Variants in RBFOX1 observed in about 807,000 individuals in gnomAD.
RBFOX1 encodes the protein RNA binding fox-1 homolog 1, also known as RNA binding protein fox-1 homolog 1.
RBFOX1 carries 8 observed loss-of-function variants against 57.7 expected under a neutral mutation model. That is an observed-to-expected ratio of 0.14 (90% CI 0.08 to 0.25). RBFOX1 has a LOEUF of 0.25. RBFOX1 is among the 10% of genes least tolerant of loss of function. RBFOX1 has a pLI of 1.00. For missense variants in RBFOX1, 611 were observed against 548.5 expected (o/e 1.11, Z -1.14); for synonymous variants, 326 against 222.4 (o/e 1.47, Z -4.15).
At chr16:7,210,158 G>A (rs1011726122) in intron 4 of RBFOX1, among the ~76,000 whole-genome samples, 5 of 152,166 alleles carry the variant, frequency 3.3e-5, no homozygotes, top group African/African-American at 9.7e-5. Flanking sequence ...TAATGATGAT[G>A]ACAATGATTT....
chr16:5,860,751 T>C (rs1243919130), intron 3 of RBFOX1, among the ~76,000 whole-genome samples: 1 of 151,892 alleles, frequency 6.6e-6, no homozygotes, highest in Non-Finnish European at 1.5e-5. Flanking sequence ...GAAGAATGAG[T>C]CATGGGTCAA....
intron 4 of RBFOX1, among the ~76,000 whole-genome samples, chr16:5,916,936 C>G (rs1007318795): frequency 1.3e-5 from 2 of 152,110 alleles, no homozygotes; most frequent in East Asian, 1.9e-4. Context: ...GTGCGCAGGA[C>G]GAGCTAGTGG....
intron 4 of RBFOX1, among the ~76,000 whole-genome samples, chr16:5,941,300 G>A (rs2059272670): frequency 1.3e-5 from 2 of 151,902 alleles, no homozygotes; most frequent in African/African-American, 4.8e-5. Context: ...GACCAGCCTG[G>A]GCAACGTAGT....
intron 1 of RBFOX1, among the ~76,000 whole-genome samples, chr16:5,408,904 A>T (rs1195909574): frequency 6.6e-6 from 1 of 152,240 alleles, no homozygotes; most frequent in Non-Finnish European, 1.5e-5. Flanking sequence ...TACACCATTC[A>T]TGAGAAATCC....
intron 2 of RBFOX1, among the ~76,000 whole-genome samples, chr16:6,444,386 A>G (rs565396037): frequency 7.0e-4 from 106 of 152,232 alleles, no homozygotes; most frequent in East Asian, 4.5e-3. Context: ...AACTTCCACA[A>G]TTCCTACGGG....
At chr16:7,538,709 T>A (rs901634467) in intron 5 of RBFOX1, among the ~76,000 whole-genome samples, 23 of 152,220 alleles carry the variant, frequency 1.5e-4, no homozygotes, top group African/African-American at 4.6e-4. Flanking sequence ...TACAATTCTA[T>A]GCTTCAGGTA....
chr16:5,856,230 T>TATATACAC (rs2057045979), intron 3 of RBFOX1, among the ~76,000 whole-genome samples: 1 of 65,094 alleles, frequency 1.5e-5, no homozygotes, highest in African/African-American at 6.3e-5. Context: ...TATATATATG[T>TATATACAC]ATATATATGT....
chr16:7,404,237 C>T (rs748236497), intron 4 of RBFOX1, among the ~76,000 whole-genome samples: 1 of 151,548 alleles, frequency 6.6e-6, no homozygotes, highest in African/African-American at 2.4e-5. Context: ...ATTTTTAGTA[C>T]AGACGGGGTT....
intron 2 of RBFOX1, among the ~76,000 whole-genome samples, chr16:6,349,811 A>T (rs535798027): frequency 6.6e-6 from 1 of 152,144 alleles, no homozygotes; most frequent in Non-Finnish European, 1.5e-5. Flanking sequence ...CCAATACTTT[A>T]TAGGAAAAAT....
intron 4 of RBFOX1, among the ~76,000 whole-genome samples, chr16:5,916,689 G>T (rs976842063): frequency 3.3e-5 from 5 of 152,106 alleles, no homozygotes; most frequent in African/African-American, 1.2e-4. Flanking sequence ...CCCCACAGGT[G>T]GTTGTCAGGT....
intron 1 of RBFOX1, among the ~76,000 whole-genome samples, chr16:6,075,481 C>G (rs1038541485): frequency 6.6e-6 from 1 of 152,190 alleles, no homozygotes; most frequent in African/African-American, 2.4e-5. Context: ...TAAAATACTG[C>G]TTTAGAAAAT....
At chr16:6,707,098 A>T (rs1040614286) in intron 3 of RBFOX1, among the ~76,000 whole-genome samples, 1 of 152,198 alleles carries the variant, frequency 6.6e-6, no homozygotes, top group Non-Finnish European at 1.5e-5. Context: ...TTCCATGCAC[A>T]CACACATTTC....
At chr16:7,631,301 T>C (rs575130168) in intron 11 of RBFOX1, among the ~76,000 whole-genome samples, 2 of 152,288 alleles carry the variant, frequency 1.3e-5, no homozygotes, top group East Asian at 3.9e-4. Context: ...AGTATACCCA[T>C]CCAGTGCGGG....
At chr16:6,338,806 T>A (rs573347187) in intron 2 of RBFOX1, among the ~76,000 whole-genome samples, 26 of 152,220 alleles carry the variant, frequency 1.7e-4, no homozygotes, top group Non-Finnish European at 3.1e-4. Context: ...TACGGAACAA[T>A]TTGAACCTGT....
At chr16:7,261,348 A>G (rs1329427641) in intron 4 of RBFOX1, among the ~76,000 whole-genome samples, 1 of 152,134 alleles carries the variant, frequency 6.6e-6, no homozygotes, top group Non-Finnish European at 1.5e-5. Flanking sequence ...TATCATCACT[A>G]CTACTGTCAT....
intron 3 of RBFOX1, among the ~76,000 whole-genome samples, chr16:5,696,105 A>G (rs1379248370): frequency 1.3e-5 from 2 of 152,042 alleles, no homozygotes; most frequent in African/African-American, 4.8e-5. Context: ...AATATAGTGA[A>G]CCTCCTGTAG....
intron 4 of RBFOX1, among the ~76,000 whole-genome samples, chr16:5,910,960 T>A (rs949145206): frequency 3.9e-5 from 6 of 152,178 alleles, no homozygotes; most frequent in Non-Finnish European, 8.8e-5. Flanking sequence ...GGATCAAGCT[T>A]CGTTTACCCA....
intron 5 of RBFOX1, among the ~76,000 whole-genome samples, chr16:7,552,138 G>A (rs1294726389): frequency 6.6e-6 from 1 of 152,152 alleles, no homozygotes; most frequent in Non-Finnish European, 1.5e-5. Flanking sequence ...TGTTGGTACA[G>A]TAGAGAATAT....
chr16:7,117,938 G>C (rs1451505949), intron 4 of RBFOX1, among the ~76,000 whole-genome samples: 2 of 152,208 alleles, frequency 1.3e-5, no homozygotes, highest in Non-Finnish European at 2.9e-5. Context: ...GACAGAGACA[G>C]AGAGGGAGAG....
Sources: gnomAD v4.1 joint callset for allele counts (sites outside exome capture counted in the v4.1 genomes callset) on GRCh38, gnomAD v4.1.1 for gene constraint, MANE v1.5 for transcripts, NCBI Gene and HGNC (gene_info 2026-07-23, HGNC 2026-07-21) for gene names.